The following INPP4B variants were observed in gnomAD, a reference collection of about 807,000 sequenced individuals.
INPP4B encodes the protein inositol polyphosphate 4-phosphatase type II.
Under a neutral mutation model 122.5 loss-of-function variants are expected in INPP4B, and 55 were observed. That is an observed-to-expected ratio of 0.45 (90% CI 0.36 to 0.56). The LOEUF is 0.56. Among genes scored for constraint, INPP4B ranks in the 20% least tolerant of loss-of-function variants. The probability of loss-of-function intolerance (pLI) is 0.00; values close to 1 mark genes in which losing one functional copy is unlikely to be tolerated. For synonymous variants in INPP4B, 403 were observed against 388.7 expected (o/e 1.04, Z -0.43); for missense variants, 1,000 against 1,097.7 (o/e 0.91, Z 1.26).
chr4:142,799,590 T>C (rs1399786589), intron 1 of INPP4B, among the ~76,000 whole-genome samples: 1 of 151,976 alleles, frequency 6.6e-6, no homozygotes, highest in African/African-American at 2.4e-5. Context: ...CATAAAAATG[T>C]AGAAAATTCA....
chr4:142,436,031 C>G (rs975350192), intron 3 of INPP4B, among the ~76,000 whole-genome samples: 3 of 152,210 alleles, frequency 2.0e-5, no homozygotes, highest in Admixed American at 6.5e-5. Context: ...AGGGCGGCAG[C>G]TATCACTGAA....
intron 2 of INPP4B, among the ~76,000 whole-genome samples, chr4:142,630,370 T>C (rs1298632615): frequency 6.6e-6 from 1 of 152,162 alleles, no homozygotes; most frequent in East Asian, 1.9e-4. Flanking sequence ...ATTTTTTAAA[T>C]CAAATTAAAT....
At chr4:142,299,081 C>A (rs1472441725) in intron 9 of INPP4B, among the ~76,000 whole-genome samples, 1 of 151,970 alleles carries the variant, frequency 6.6e-6, no homozygotes, top group Non-Finnish European at 1.5e-5. Flanking sequence ...ATGTGTGTGC[C>A]TGGATCACTC....
At chr4:142,466,149 GT>G in intron 2 of INPP4B, among the ~76,000 whole-genome samples, 1 of 152,202 alleles carries the variant, frequency 6.6e-6, no homozygotes, top group African/African-American at 2.4e-5. Flanking sequence ...AGTTGGAAGA[GT>G]TTGGAGGGCT....
Position 142,636,932 on chromosome 4 carries a change from A to G in INPP4B, c.-191+88907T>C, listed in dbSNP as rs539435473. ...ACTTTTTCAATGATTCTTCCTATAG[A>G]TGATATTTTAATTGTTAAAATACTC... On this transcript the variant is annotated intron_variant, in intron 2 of 25. Transcript: ENST00000262992. Among the ~76,000 whole-genome samples the G allele has an allele frequency of 1.7e-3, 262 of 152,272 alleles. 2 individuals are homozygous for G. The highest frequency in any genetic ancestry group is 5.9e-3 in the African/African-American group (246 of 41,566).
At chr4:142,090,357 A>G (rs336312) in intron 23 of INPP4B, among the ~76,000 whole-genome samples, 96,708 of 150,870 alleles carry the variant, frequency 0.64, 32,971 homozygotes, top group Non-Finnish European at 0.76. Context: ...TGCTTTATTC[A>G]GAGCACACCT....
chr4:142,379,120 T>A (rs1456217736), intron 7 of INPP4B, among the ~76,000 whole-genome samples: 2 of 152,152 alleles, frequency 1.3e-5, no homozygotes, highest in South Asian at 2.1e-4. Context: ...GGCAATTTTT[T>A]AAAAATCAGT....
At chr4:142,383,474 T>C (rs1794903495) in intron 7 of INPP4B, among the ~76,000 whole-genome samples, 1 of 152,132 alleles carries the variant, frequency 6.6e-6, no homozygotes, top group Non-Finnish European at 1.5e-5. Flanking sequence ...TTCCTTATCA[T>C]GAGCTTCCTA....
intron 17 of INPP4B, among the ~76,000 whole-genome samples, chr4:142,155,071 A>G (rs1816462527): frequency 6.6e-6 from 1 of 151,870 alleles, no homozygotes; most frequent in Non-Finnish European, 1.5e-5. Flanking sequence ...TATCACTTAC[A>G]AAATTTGGAA....
chr4:142,781,544 C>G (rs1774822452), intron 1 of INPP4B, among the ~76,000 whole-genome samples: 1 of 151,836 alleles, frequency 6.6e-6, no homozygotes, highest in African/African-American at 2.4e-5. Flanking sequence ...TTACTGGCAT[C>G]GATAATATAA....
In INPP4B at chr4:142,254,329, C is replaced by T. The variant is rs550231556; in HGVS notation, c.688+6163G>A. Among the ~76,000 whole-genome samples, 65 of 127,882 alleles carry T rather than the reference C, an allele frequency of 5.1e-4. 1 individual carries two copies. The highest frequency in any genetic ancestry group is 1.7e-3 in the African/African-American group (63 of 37,442). 83.9% of individuals were successfully genotyped at this position (127,882 alleles called of 152,430 possible). ...CCTCCAAAGGAATGCAGTTCCTCACCAGCAACGGAACAAAGCTGGATGGAG... is the reference window on the plus strand; with the variant it reads ...CCTCCAAAGGAATGCAGTTCCTCACTAGCAACGGAACAAAGCTGGATGGAG... On this transcript the variant is annotated intron_variant, in intron 11 of 25. Coordinates refer to ENST00000262992, the MANE Select transcript of INPP4B (RefSeq NM_001101669.3).
rs544365602 is a variant in INPP4B at position 142,112,307 on chromosome 4, T to C, written c.2276+235A>G. 2.0e-5 allele frequency among the ~76,000 whole-genome samples: 3 copies of C among 152,348 alleles called. No individual in the cohort carries two copies. In the South Asian group the frequency reaches 6.2e-4, roughly 32 times the overall value. Reference sequence around the variant, plus strand: ...GGTTAATCCATGCAAATGCTTTATTTAGTATTGGCATCAAGATTTTCCTCA... The same window carrying C: ...GGTTAATCCATGCAAATGCTTTATTCAGTATTGGCATCAAGATTTTCCTCA... On this transcript the variant is annotated intron_variant, in intron 22 of 25. Coordinates refer to ENST00000262992, the MANE Select transcript of INPP4B (RefSeq NM_001101669.3).
chr4:142,514,792 CTTTTTTTTT>C (rs3078620), intron 2 of INPP4B, among the ~76,000 whole-genome samples: 6 of 121,780 alleles, frequency 4.9e-5, no homozygotes, highest in South Asian at 2.7e-4. Context: ...ACCATGATTT[CTTTTTTTTT>C]TTTTTTTTTT....
At chr4:142,051,217 G>C (rs1192546485) in intron 25 of INPP4B, among the ~76,000 whole-genome samples, 1 of 151,896 alleles carries the variant, frequency 6.6e-6, no homozygotes, top group Non-Finnish European at 1.5e-5. Flanking sequence ...CTACAGCCAA[G>C]AACACATTGA....
chr4:142,644,262 C>G (rs1580602641), intron 2 of INPP4B, among the ~76,000 whole-genome samples: 6 of 114,030 alleles, frequency 5.3e-5, no homozygotes, highest in African/African-American at 3.4e-5. Context: ...GGAAGGGGGT[C>G]AGGAGGAGGA....
At chr4:142,710,581 T>G (rs1023358610) in intron 2 of INPP4B, among the ~76,000 whole-genome samples, 1 of 152,186 alleles carries the variant, frequency 6.6e-6, no homozygotes, top group South Asian at 2.1e-4. Context: ...AAAAAGTAGT[T>G]TTCATGTAAC....
At chr4:142,310,904 C>A (rs1007921933) in intron 8 of INPP4B, among the ~76,000 whole-genome samples, 1 of 152,024 alleles carries the variant, frequency 6.6e-6, no homozygotes, top group Admixed American at 6.6e-5. Flanking sequence ...TGTGAATATA[C>A]CTCAAAAGGT....
chr4:142,168,068 A>G (rs67935763), intron 16 of INPP4B, among the ~76,000 whole-genome samples: 15,058 of 151,434 alleles, frequency 0.099, 1,099 homozygotes, highest in African/African-American at 0.2. Context: ...GGTGAACGTC[A>G]GAGAAACATG....
At chr4:142,277,378 T>TA (rs1347073978) in intron 9 of INPP4B, among the ~76,000 whole-genome samples, 5 of 151,790 alleles carry the variant, frequency 3.3e-5, no homozygotes, top group African/African-American at 1.2e-4. Flanking sequence ...ATTGCCATAA[T>TA]AAAAAAAGTA....
Sources: allele counts gnomAD v4.1 joint callset (sites outside exome capture counted in the v4.1 genomes callset), GRCh38; gene constraint gnomAD v4.1.1; transcripts MANE v1.5; gene names NCBI Gene and HGNC (gene_info 2026-07-23, HGNC 2026-07-21).